Variants in ZNF442 observed in about 807,000 individuals in gnomAD.
ZNF442 encodes the protein zinc finger protein 442.
A neutral mutation model predicts 57.0 loss-of-function variants in ZNF442; 45 were observed. That is an observed-to-expected ratio of 0.79 (90% CI 0.62 to 1.01). The LOEUF (loss-of-function observed/expected upper bound fraction) is 1.01. Among genes scored for constraint, ZNF442 ranks in the 50% least tolerant of loss-of-function variants. The pLI, the probability that ZNF442 is intolerant of heterozygous loss-of-function variation, is 0.00. For missense variants in ZNF442, 690 were observed against 756.5 expected, an observed-to-expected ratio of 0.91 and a Z score of 1.03; for synonymous variants, 213 against 241.8, an observed-to-expected ratio of 0.88 and a Z score of 1.10.
chr19:12,355,903 G>A (rs978291589), intron 3 of ZNF442, among the ~76,000 whole-genome samples: 1 of 152,062 alleles, frequency 6.6e-6, no homozygotes, highest in African/African-American at 2.4e-5. Flanking sequence ...AGGAGGCTGA[G>A]GTGGGAGGAT....
intron 4 of ZNF442, 93 bp downstream of exon 4, chr19:12,352,895 T>C: frequency 6.8e-7 from 1 of 1,463,788 alleles, no homozygotes; most frequent in Non-Finnish European, 9.3e-7. Flanking sequence ...GTCAACTATA[T>C]CCCCTTTCGG....
At chr19:12,362,627 G>A (rs1163358562) in intron 3 of ZNF442, among the ~76,000 whole-genome samples, 6 of 150,114 alleles carry the variant, frequency 4.0e-5, no homozygotes, top group Admixed American at 2.0e-4. Context: ...CCCCCTCCGG[G>A]AGGTGGGGGG....
At position 12,350,367 on chromosome 19, in the gene ZNF442, T is replaced by G. The variant is rs1228202015; in HGVS notation, c.1218A>C (p.Lys406Asn). 7 of 1,613,932 alleles carry G rather than the reference T, an allele frequency of 4.3e-6. No homozygotes were observed. Among genetic ancestry groups the G allele is most frequent in the Non-Finnish European group, 5.1e-6 (6 of 1,180,024 alleles). ...MIMHTGDGPH[K>N]CKVCGKAFIY... Reference sequence around the variant, plus strand: ...TGAAGGCTTTCCCACATACCTTGCATTTGTGAGGTCCATCTCCAGTGTGCA... The same window carrying G: ...TGAAGGCTTTCCCACATACCTTGCAGTTGTGAGGTCCATCTCCAGTGTGCA... The change falls in exon 6 of 6, where the codon AAA (lysine) becomes AAC (asparagine). Residue 406 changes from lysine (K) to asparagine (N), a missense_variant. By Grantham distance (94) the Lys-to-Asn change is moderately conservative. Transcript: ENST00000242804.
At chr19:12,355,312 A>G (rs1033067041) in intron 3 of ZNF442, among the ~76,000 whole-genome samples, 1 of 150,076 alleles carries the variant, frequency 6.7e-6, no homozygotes, top group African/African-American at 2.4e-5. Flanking sequence ...AAAAAGAAAG[A>G]CAAAACTAGT....
intron 5 of ZNF442, 115 bp from the exon 6 acceptor site, chr19:12,351,433 C>G: frequency 7.5e-6 from 7 of 928,974 alleles, no homozygotes; most frequent in Non-Finnish European, 1.1e-5. Context: ...GCTTCATGCA[C>G]TGCTTGAACG....
the ZNF442 span, among the ~76,000 whole-genome samples, chr19:12,372,697 C>T: frequency 1.3e-5 from 2 of 152,298 alleles, no homozygotes; most frequent in African/African-American, 4.8e-5. Context: ...CTGATAAAGA[C>T]AATAGAGTTA....
Position 12,351,442 on chromosome 19 carries a change from C to A in ZNF442, c.267-124G>T, listed in dbSNP as rs574416295. 4.9e-6 allele frequency: 4 copies of A among 811,046 alleles called. No individual in the cohort carries two copies. In the African/African-American group the frequency reaches 7.0e-5, roughly 14 times the overall value. The allele number at this position is 811,046 out of a possible 1,614,324, so 50.2% of individuals were successfully genotyped here. On this transcript the variant is annotated intron_variant, in intron 5 of 5. Transcript: ENST00000242804. ...GTGTAGGCTTCATGCACTGCTTGAA[C>A]GTGAATGGACTGAATGTTGTACAAG... is the stretch of plus-strand genomic sequence containing the variant.
chr19:12,358,489 T>A (rs758242444), intron 3 of ZNF442, among the ~76,000 whole-genome samples: 1 of 152,236 alleles, frequency 6.6e-6, no homozygotes, highest in Non-Finnish European at 1.5e-5. Flanking sequence ...AGTGCTGCAA[T>A]ATGCAGATAA....
At chr19:12,364,500 G>A (rs868033594) in intron 2 of ZNF442, among the ~76,000 whole-genome samples, 36 of 152,018 alleles carry the variant, frequency 2.4e-4, no homozygotes, top group African/African-American at 7.5e-4. Context: ...CTGAAATTTA[G>A]CACGGGTGGG....
At chr19:12,362,760 G>C (rs1392243809) in intron 3 of ZNF442, among the ~76,000 whole-genome samples, 2 of 150,204 alleles carry the variant, frequency 1.3e-5, no homozygotes, top group Non-Finnish European at 3.0e-5. Context: ...CGGTTTTGTC[G>C]AGTGGAAGTG....
At chr19:12,372,031 T>C in the ZNF442 span, among the ~76,000 whole-genome samples, 84 of 152,266 alleles carry the variant, frequency 5.5e-4, 1 homozygote, top group East Asian at 0.015. Context: ...AGGAAAAACA[T>C]CTTCAAACTA....
At position 12,350,842 on chromosome 19, in the gene ZNF442, A is replaced by G. The variant is rs1206237752; in HGVS notation, c.743T>C (p.Ile248Thr). 6.2e-7 allele frequency: 1 copy of G among 1,612,762 alleles called. No homozygotes were observed. The highest frequency in any genetic ancestry group is 2.2e-5 in the East Asian group (1 of 44,730). Residue 248 changes from isoleucine to threonine, a missense_variant, in exon 6 of 6, where the codon ATT becomes ACT. By Grantham distance (89) the Ile-to-Thr change is moderately conservative (BLOSUM62 -1). Coordinates refer to ENST00000242804, the MANE Select transcript of ZNF442 (RefSeq NM_030824.3). ...ECKQCCKAFPIYSSYLRHERT... is the reference protein window; with the variant it reads ...ECKQCCKAFPTYSSYLRHERT... ...TTCATGTCTTAGATAGGAACTGTAA[A>G]TAGGGAAGGCTTTACAACACTGCTT...
chr19:12,348,192 A>T lies in ZNF442; in HGVS notation c.*1509T>A, dbSNP rs1198171068. ...AAACCCCATCTCTACTAAAAATAAA[A>T]ATTAGCCAGGCATGGTGGCGAGTGC... On this transcript the variant is annotated 3_prime_UTR_variant, in exon 6 of 6. Transcript: ENST00000242804. 2 of 152,026 alleles carry T rather than the reference A, an allele frequency of 1.3e-5. No individual in the cohort carries two copies. Among genetic ancestry groups the T allele is most frequent in the Non-Finnish European group, 2.9e-5 (2 of 68,026 alleles). The allele number at this position is 152,026 out of a possible 1,614,324, so 9.4% of individuals were successfully genotyped here.
intron 3 of ZNF442, among the ~76,000 whole-genome samples, chr19:12,362,088 C>T (rs1490043580): frequency 1.3e-5 from 2 of 152,192 alleles, no homozygotes; most frequent in South Asian, 2.1e-4. Flanking sequence ...ACCTCCCAGC[C>T]GCCTGCCTTG....
At chr19:12,368,013 T>C (rs1969552340), upstream of ZNF442, among the ~76,000 whole-genome samples, 1 of 152,196 alleles carries the variant, frequency 6.6e-6, no homozygotes, top group Non-Finnish European at 1.5e-5. Context: ...AATTCAGTGA[T>C]ATTTCTCCTA....
chr19:12,362,769 TG>T (rs983519906), intron 3 of ZNF442, among the ~76,000 whole-genome samples: 13 of 150,386 alleles, frequency 8.6e-5, no homozygotes, highest in Admixed American at 6.6e-4. Context: ...CGAGTGGAAG[TG>T]GGGGAAGTGT....
At chr19:12,351,383 G>A (rs1969235720) in intron 5 of ZNF442, 65 bp from the exon 6 acceptor site, 3 of 1,436,616 alleles carry the variant, frequency 2.1e-6, no homozygotes, top group South Asian at 2.8e-5. Flanking sequence ...TTATTAGTAG[G>A]TACTGGATTT....
At chr19:12,353,793 A>C (rs1383908691) in intron 3 of ZNF442, among the ~76,000 whole-genome samples, 1 of 152,132 alleles carries the variant, frequency 6.6e-6, no homozygotes, top group Non-Finnish European at 1.5e-5. Flanking sequence ...GAGGATTTGG[A>C]TCTCAAGAAA....
chr19:12,369,577 G>T (rs950537138), upstream of ZNF442, among the ~76,000 whole-genome samples: 10 of 146,188 alleles, frequency 6.8e-5, no homozygotes, highest in African/African-American at 2.6e-4. Context: ...CTCCAGCCTG[G>T]GCAACAAGAG....
Sources: gnomAD v4.1 joint callset for allele counts (sites outside exome capture counted in the v4.1 genomes callset) on GRCh38, gnomAD v4.1.1 for gene constraint, MANE v1.5 for transcripts, NCBI Gene and HGNC (gene_info 2026-07-23, HGNC 2026-07-21) for gene names.